RANBP10: variants seen among roughly 807,000 people sequenced by gnomAD.
RANBP10 encodes the protein RAN binding protein 10, also known as ran-binding protein 10.
Under a neutral mutation model 72.8 loss-of-function variants are expected in RANBP10, and 24 were observed. The ratio of observed to expected loss-of-function variants is 0.33; its 90% CI spans 0.24 to 0.46. The LOEUF is 0.46. RANBP10 is among the 20% of genes least tolerant of loss of function. RANBP10 has a pLI of 1.00. For missense variants in RANBP10, 679 were observed against 817.5 expected (o/e 0.83, Z 2.07); for synonymous variants, 310 against 322.3 (o/e 0.96, Z 0.41).
chr16:67,753,384 G>A (rs2054231595), intron 3 of RANBP10, among the ~76,000 whole-genome samples: 1 of 152,152 alleles, frequency 6.6e-6, no homozygotes. Flanking sequence ...GTGCGCACCT[G>A]TAGTACTGCT....
Position 67,731,331 on chromosome 16 carries a change from G to A in RANBP10, c.889+141C>T, listed in dbSNP as rs2143001713. On this transcript the variant is annotated intron_variant, in intron 7 of 13. Transcript: ENST00000317506. Reference sequence around the variant, plus strand: ...CAGTGCCATCTTGAAGGTGGGACAGGAACATGGCCTCGAGCTGCAAGCTGG... The same window carrying A: ...CAGTGCCATCTTGAAGGTGGGACAGAAACATGGCCTCGAGCTGCAAGCTGG... 4.6e-6 allele frequency: 3 copies of A among 659,050 alleles called. No individual in the cohort carries two copies. The South Asian group carries it at 5.4e-5, about 12-fold the overall frequency. The allele number at this position is 659,050 out of a possible 1,614,324, so 40.8% of individuals were successfully genotyped here.
Position 67,753,337 on chromosome 16 carries a change from C to G in RANBP10, c.401-8882G>C, listed in dbSNP as rs1205206124. Among the ~76,000 whole-genome samples the G allele has an allele frequency of 3.3e-5, 5 of 152,288 alleles. No homozygotes were observed. In the East Asian group the frequency reaches 9.6e-4, roughly 29 times the overall value. ...CCTGGACAACATGGTGACACCCCAC[C>G]TCTACAAAAAATACAAAAAATTAGC... On this transcript the variant is annotated intron_variant, in intron 3 of 13. Coordinates refer to ENST00000317506, the MANE Select transcript of RANBP10 (RefSeq NM_020850.3).
At position 67,730,236 on chromosome 16, in the gene RANBP10, G is replaced by A. The variant is rs2053700118; in HGVS notation, c.890-190C>T. On this transcript the variant is annotated intron_variant, in intron 7 of 13. Transcript: ENST00000317506. The surrounding 1 kb of genome is among the most constrained non-coding windows in gnomAD (Gnocchi z 4.3). ...CAACAGATCCTGGTTTCTGCCAAGT[G>A]TCAGAGAGTCCTCAAGAATATGGGG... Among the ~76,000 whole-genome samples, 1 of 152,208 alleles carries A rather than the reference G, an allele frequency of 6.6e-6. No individual in the cohort carries two copies. Among genetic ancestry groups the A allele is most frequent in the Admixed American group, 6.5e-5 (1 of 15,282 alleles).
Position 67,735,084 on chromosome 16 carries a change from T to C in RANBP10, c.592-42A>G, listed in dbSNP as rs748215586. The C allele has an allele frequency of 3.3e-6, 5 of 1,531,018 alleles. No individual in the cohort carries two copies. The Admixed American group carries it at 9.2e-5, about 28-fold the overall frequency. 94.8% of individuals were successfully genotyped at this position (1,531,018 alleles called of 1,614,324 possible). A position where few individuals can be genotyped will look rare whatever the true frequency, so the allele number is the denominator to read the frequency against. On this transcript the variant is annotated intron_variant, in intron 5 of 13. Transcript: ENST00000317506. ...AATGTCAGTCAGGCCCTGAGGGCAGTGGGGTTCTAAGGCCTCACCTCACCT... is the reference window on the plus strand; with the variant it reads ...AATGTCAGTCAGGCCCTGAGGGCAGCGGGGTTCTAAGGCCTCACCTCACCT...
chr16:67,777,220 A>C (rs530955719), intron 2 of RANBP10, among the ~76,000 whole-genome samples: 6 of 149,870 alleles, frequency 4.0e-5, no homozygotes, highest in African/African-American at 1.5e-4. Context: ...CCCACCCAAA[A>C]AAAAGAAAAA....
At chr16:67,794,932 AAAAAAAAAAAAAAC>A (rs2055099488) in intron 2 of RANBP10, among the ~76,000 whole-genome samples, 2 of 145,288 alleles carry the variant, frequency 1.4e-5, no homozygotes, top group African/African-American at 2.6e-5. Flanking sequence ...CCTCAAATTA[AAAAAAAAAAAAAAC>A]AAAAAAAAAA....
chr16:67,765,739 G>A (rs2054489668), intron 3 of RANBP10, among the ~76,000 whole-genome samples: 1 of 152,148 alleles, frequency 6.6e-6, no homozygotes, highest in Non-Finnish European at 1.5e-5. Flanking sequence ...GAGAGGCTGA[G>A]GCAGGAGAAT....
intron 5 of RANBP10, chr16:67,735,745 G>A (rs1252514967): frequency 6.6e-6 from 1 of 151,236 alleles, no homozygotes; most frequent in Admixed American, 6.6e-5. Context: ...TTGGTGACAA[G>A]AGTGAGTCCC....
chr16:67,804,556 C>T (rs192776262), intron 2 of RANBP10, among the ~76,000 whole-genome samples: 18 of 152,212 alleles, frequency 1.2e-4, no homozygotes, highest in Non-Finnish European at 1.8e-4. Context: ...TGCACACCAC[C>T]ACACCCAGCT....
At chr16:67,783,772 G>A (rs555262208) in intron 2 of RANBP10, among the ~76,000 whole-genome samples, 6 of 152,270 alleles carry the variant, frequency 3.9e-5, no homozygotes, top group African/African-American at 1.4e-4. Flanking sequence ...GGCTGAGTGC[G>A]GTGGCTCACG....
intron 3 of RANBP10, among the ~76,000 whole-genome samples, chr16:67,753,914 C>G (rs565915851): frequency 1.3e-5 from 2 of 152,142 alleles, no homozygotes; most frequent in East Asian, 3.9e-4. Flanking sequence ...GCAGGCGGAT[C>G]ATGAGGTCAG....
At chr16:67,788,659 G>C (rs1259376145) in intron 2 of RANBP10, among the ~76,000 whole-genome samples, 1 of 151,778 alleles carries the variant, frequency 6.6e-6, no homozygotes, top group African/African-American at 2.4e-5. Context: ...CAAAGTGCTG[G>C]GATTACAGGC....
intron 3 of RANBP10, among the ~76,000 whole-genome samples, chr16:67,761,840 G>C (rs1167847920): frequency 3.3e-5 from 5 of 152,124 alleles, no homozygotes; most frequent in Non-Finnish European, 7.3e-5. Context: ...CAAAGTGCTG[G>C]AGTTATAGGC....
In RANBP10 at chr16:67,752,642, T is replaced by TTA. The variant is rs908062975; in HGVS notation, c.401-8189_401-8188dup. ...TGTGTGTATATATAAGGTATATACC[T>TTA]TATATATATATATATTTACACAAGG... On this transcript the variant is annotated intron_variant, in intron 3 of 13. Coordinates refer to ENST00000317506, the MANE Select transcript of RANBP10 (RefSeq NM_020850.3). Among the ~76,000 whole-genome samples the TTA allele has an allele frequency of 1.4e-3, 214 of 150,882 alleles. 1 individual carries two copies. The highest frequency in any genetic ancestry group is 4.9e-3 in the East Asian group (25 of 5,150).
chr16:67,795,779 C>T lies in RANBP10; in HGVS notation c.347+9649G>A, dbSNP rs536119703. Among the ~76,000 whole-genome samples the T allele has an allele frequency of 5.2e-3, 782 of 151,426 alleles. 7 individuals carry two copies. Among genetic ancestry groups the T allele is most frequent in the Non-Finnish European group, 5.6e-3 (381 of 67,820 alleles). On this transcript the variant is annotated intron_variant, in intron 2 of 13. Transcript: ENST00000317506. Reference sequence around the variant, plus strand: ...CTGAGGCAGGAGAGTGGCGTGAACCCGGAAAGTGGAGCTTGCAGTGAGCTG... The same window carrying T: ...CTGAGGCAGGAGAGTGGCGTGAACCTGGAAAGTGGAGCTTGCAGTGAGCTG...
intron 2 of RANBP10, among the ~76,000 whole-genome samples, chr16:67,803,650 CAA>C (rs1184321273): frequency 4.9e-3 from 230 of 47,078 alleles, no homozygotes; most frequent in South Asian, 0.02. Context: ...AACTCCGTCT[CAA>C]AAAAAAAAAA....
chr16:67,801,814 G>C (rs1231273608), intron 2 of RANBP10, among the ~76,000 whole-genome samples: 1 of 151,998 alleles, frequency 6.6e-6, no homozygotes, highest in Admixed American at 6.6e-5. Flanking sequence ...AAAAAAATCA[G>C]CTGGGCATGG....
Position 67,729,058 on chromosome 16 carries a change from G to A in RANBP10, c.1352+222C>T, listed in dbSNP as rs1346602698. 1.3e-5 allele frequency among the ~76,000 whole-genome samples: 2 copies of A among 152,264 alleles called. No individual in the cohort carries two copies. Among genetic ancestry groups the A allele is most frequent in the Non-Finnish European group, 2.9e-5 (2 of 68,058 alleles). ...CCACATCCTCAGCCTGGCATCATTG[G>A]AGCCTCTGGAGAAAGCCAAGGCCAA... On this transcript the variant is annotated intron_variant, in intron 10 of 13. Coordinates refer to ENST00000317506, the MANE Select transcript of RANBP10 (RefSeq NM_020850.3). This position sits in a 1 kb window ranked among gnomAD's most constrained non-coding sequence, Gnocchi z 7.1.
At chr16:67,766,475 A>G (rs529716942) in intron 3 of RANBP10, among the ~76,000 whole-genome samples, 68 of 152,242 alleles carry the variant, frequency 4.5e-4, no homozygotes, top group African/African-American at 1.5e-3. Flanking sequence ...AGCATTCCTC[A>G]TGAATGGCTT....
Sources: gnomAD v4.1 joint callset for allele counts (sites outside exome capture counted in the v4.1 genomes callset) on GRCh38, gnomAD v4.1.1 for gene constraint, Gnocchi (gnomAD v3.1) non-coding constraint, MANE v1.5 for transcripts, NCBI Gene and HGNC (gene_info 2026-07-23, HGNC 2026-07-21) for gene names.